The following GSE1 variants were observed in gnomAD, a reference collection of about 807,000 sequenced individuals.
The protein encoded by GSE1 is Gse1 coiled-coil protein.
GSE1 carries 32 observed loss-of-function variants against 112.6 expected under a neutral mutation model. The ratio of observed to expected loss-of-function variants is 0.28; its 90% confidence interval spans 0.21 to 0.38. The LOEUF is 0.38. Among genes scored for constraint, GSE1 ranks in the 10% least tolerant of loss-of-function variants. GSE1 has a pLI of 1.00. For missense variants in GSE1, 2,348 were observed against 1,699.2 expected, an observed-to-expected ratio of 1.38 and a Z score of -6.71; for synonymous variants, 1,115 against 735.6, an observed-to-expected ratio of 1.52 and a Z score of -8.35.
At chr16:85,510,937 TGTCAAAAACTGG>T (rs987654013) in intron 2 of GSE1, among the ~76,000 whole-genome samples, 20 of 152,350 alleles carry the variant, frequency 1.3e-4, no homozygotes, top group African/African-American at 4.8e-4. Context: ...TTGACCACTC[TGTCAAAAACTGG>T]GTCAAAAAGC....
At chr16:85,484,876 A>G (rs1289967436) in intron 2 of GSE1, among the ~76,000 whole-genome samples, 1 of 152,086 alleles carries the variant, frequency 6.6e-6, no homozygotes, top group African/African-American at 2.4e-5. Context: ...TTTGGCCTCC[A>G]CTGTGATGGC....
exon 1 of GSE1, chr16:85,169,970 GCGACGA>G (rs2074332098): frequency 2.0e-6 from 2 of 984,646 alleles, no homozygotes; most frequent in South Asian, 4.7e-5. Flanking sequence ...AGCGCCACCG[GCGACGA>G]CGACGAGGAC....
intron 1 of GSE1, among the ~76,000 whole-genome samples, chr16:85,270,394 C>T (rs77411632): frequency 0.014 from 2,064 of 149,068 alleles, 87 homozygotes; most frequent in African/African-American, 0.048. Flanking sequence ...GTCCCAGCGA[C>T]ATCCAAGGCT....
rs1159665909 is a variant in GSE1 at position 85,671,439 on chromosome 16, C to CAAAAAAAAAAAAAAAAA, written c.3519+343_3519+359dup. Among the ~76,000 whole-genome samples, 11 of 61,302 alleles carry CAAAAAAAAAAAAAAAAA rather than the reference C, an allele frequency of 1.8e-4. 1 individual carries two copies. The highest frequency in any genetic ancestry group is 7.4e-4 in the African/African-American group (11 of 14,892). The allele number at this position is 61,302 out of a possible 152,430, so 40.2% of individuals were successfully genotyped here. A position where few individuals can be genotyped will look rare whatever the true frequency, so the allele number is the denominator to read the frequency against. On this transcript the variant is annotated intron_variant, in intron 15 of 15. Transcript: ENST00000253458. ...TGGGCGACAGAGCGAGACTCCGTCT[C>CAAAAAAAAAAAAAAAAA]AAAAAAAAAAAAAAAAAAGATCAAA...
intron 1 of GSE1, among the ~76,000 whole-genome samples, chr16:85,238,401 C>T (rs898221463): frequency 3.3e-5 from 5 of 152,236 alleles, no homozygotes; most frequent in African/African-American, 9.6e-5. Context: ...CCCCCGCACC[C>T]CTGCAGCGGT....
At chr16:85,460,631 C>T (rs1167485192) in intron 2 of GSE1, among the ~76,000 whole-genome samples, 3 of 152,222 alleles carry the variant, frequency 2.0e-5, no homozygotes, top group Admixed American at 6.5e-5. Context: ...GGGCAAGAGC[C>T]GGCAGTGACC....
chr16:85,611,771 C>T (rs1007610724), upstream of GSE1, among the ~76,000 whole-genome samples: 2 of 151,754 alleles, frequency 1.3e-5, no homozygotes, highest in Non-Finnish European at 2.9e-5. Context: ...GCCCCGAACG[C>T]TCTAGGCCCG....
At chr16:85,534,006 G>A (rs2044233243) in intron 2 of GSE1, among the ~76,000 whole-genome samples, 1 of 152,120 alleles carries the variant, frequency 6.6e-6, no homozygotes. Flanking sequence ...CTAGAATAAT[G>A]CTGTCACTCC....
At chr16:85,594,307 T>C (rs2047130731) in intron 1 of GSE1, 1 of 152,102 alleles carries the variant, frequency 6.6e-6, no homozygotes, top group East Asian at 1.9e-4. Context: ...CGCGGTCAGC[T>C]TCTCCATCTG....
intron 2 of GSE1, among the ~76,000 whole-genome samples, chr16:85,441,004 C>G (rs1015787130): frequency 1.3e-5 from 2 of 152,232 alleles, no homozygotes; most frequent in African/African-American, 4.8e-5. Context: ...GAGGCCAACG[C>G]ATATGCTGGG....
intron 1 of GSE1, among the ~76,000 whole-genome samples, chr16:85,203,820 C>A (rs1386739153): frequency 6.6e-6 from 1 of 152,200 alleles, no homozygotes; most frequent in African/African-American, 2.4e-5. Flanking sequence ...TCACTGTAGC[C>A]TCAGCCTCCT....
At chr16:85,520,787 G>A (rs1015262536) in intron 2 of GSE1, among the ~76,000 whole-genome samples, 19 of 152,160 alleles carry the variant, frequency 1.2e-4, no homozygotes, top group Non-Finnish European at 4.4e-5. Context: ...CCCACATTCT[G>A]TTTTTCTGAT....
Position 85,588,157 on chromosome 16 carries a change from G to A in GSE1, c.37+31794G>A, listed in dbSNP as rs575062427. On this transcript the variant is annotated intron_variant, in intron 1 of 2. Transcript: ENST00000635906. The stretch of plus-strand genomic sequence containing the variant: ...CTGGGGTGAGCCCCTCTCCCCAGCT[G>A]GCCTCTTGCATCTCGCTCGATTCCC... Among the ~76,000 whole-genome samples the A allele has an allele frequency of 1.2e-4, 18 of 152,304 alleles. 1 individual carries two copies. The South Asian group carries it at 3.7e-3, about 32-fold the overall frequency.
intron 2 of GSE1, among the ~76,000 whole-genome samples, chr16:85,509,253 C>T (rs1028889357): frequency 6.6e-6 from 1 of 152,200 alleles, no homozygotes; most frequent in African/African-American, 2.4e-5. Flanking sequence ...ATGCCAGGGA[C>T]AGCTTTGGGC....
At chr16:85,327,368 T>C (rs1234751452) in intron 1 of GSE1, among the ~76,000 whole-genome samples, 1 of 152,126 alleles carries the variant, frequency 6.6e-6, no homozygotes, top group Non-Finnish European at 1.5e-5. Context: ...TTTGGGAGGC[T>C]GAGGTGGGCA....
rs543930599 is a variant in GSE1, at chr16:85,440,991, C to T, written c.2464+83348C>T. Among the ~76,000 whole-genome samples, 199 of 152,294 alleles carry T rather than the reference C, an allele frequency of 1.3e-3. 1 individual carries two copies. Among genetic ancestry groups the T allele is most frequent in the African/African-American group, 4.3e-3 (180 of 41,548 alleles). On this transcript the variant is annotated intron_variant, in intron 2 of 2. Coordinates refer to the GSE1 transcript ENST00000637419. ...GAAATGCACACGTCCAGCCAGCTCC[C>T]GGGAGGCCAACGCATATGCTGGGCC...
Position 85,224,275 on chromosome 16 carries a change from A to G in GSE1, c.2283+52468A>G, listed in dbSNP as rs116008607. 5.3e-3 allele frequency among the ~76,000 whole-genome samples: 662 copies of G among 125,722 alleles called. 6 individuals are homozygous for G. The highest frequency in any genetic ancestry group is 0.019 in the African/African-American group (632 of 32,774). The allele number at this position is 125,722 out of a possible 152,430, so 82.5% of individuals were successfully genotyped here. A position where few individuals can be genotyped will look rare whatever the true frequency, so the allele number is the denominator to read the frequency against. ...GGAGGAGGAGGGTTTCATAACCCTT[A>G]TGAAACCCTATCTCTACTAAAAATA... On this transcript the variant is annotated intron_variant, in intron 1 of 2. Coordinates refer to the GSE1 transcript ENST00000637419.
At chr16:85,228,179 C>T (rs922728918) in intron 1 of GSE1, among the ~76,000 whole-genome samples, 14 of 152,200 alleles carry the variant, frequency 9.2e-5, no homozygotes, top group African/African-American at 3.4e-4. Flanking sequence ...CGGCCCCCGC[C>T]GGAGGAGCCC....
intron 1 of GSE1, among the ~76,000 whole-genome samples, chr16:85,355,884 G>A (rs192636353): frequency 4.2e-4 from 64 of 152,096 alleles, no homozygotes; most frequent in Admixed American, 1.6e-3. Flanking sequence ...AAAATGAGCC[G>A]GGCATGGGGG....
Sources: allele counts gnomAD v4.1 joint callset (sites outside exome capture counted in the v4.1 genomes callset), GRCh38; gene constraint gnomAD v4.1.1; transcripts MANE v1.5; gene names NCBI Gene and HGNC (gene_info 2026-07-23, HGNC 2026-07-21).